CCT6B: variants seen among roughly 807,000 people sequenced by gnomAD.
CCT6B encodes probable T-complex protein 1 subunit zeta-2.
In CCT6B, 49 loss-of-function variants were observed where a neutral mutation model predicts 61.5. The observed-to-expected ratio is 0.80, with a 90% CI of 0.63 to 1.01. The LOEUF is 1.01. CCT6B is among the 50% of genes least tolerant of loss of function. The pLI, the probability that CCT6B is intolerant of heterozygous loss-of-function variation, is 0.00. For missense variants in CCT6B, 666 were observed against 634.7 expected (o/e 1.05, Z -0.53); for synonymous variants, 228 against 214.5 (o/e 1.06, Z -0.55).
intron 7 of CCT6B, 46 bp downstream of exon 7, chr17:34,942,438 C>T (rs2090174172): frequency 2.0e-6 from 3 of 1,504,446 alleles, no homozygotes; most frequent in Non-Finnish European, 2.7e-6. Flanking sequence ...TCAAGAAATG[C>T]TTAAGAACAT....
At chr17:34,928,286 T>TC (rs1296407736) in intron 13 of CCT6B, among the ~76,000 whole-genome samples, 169 bp from the exon 14 acceptor site, 16 of 151,958 alleles carry the variant, frequency 1.1e-4, no homozygotes, top group Non-Finnish European at 1.8e-4. Flanking sequence ...TTTTTTTTTT[T>TC]CCCAAGATGG....
chr17:34,948,319 G>T (rs1181069628), intron 5 of CCT6B, among the ~76,000 whole-genome samples: 1 of 152,108 alleles, frequency 6.6e-6, no homozygotes, highest in East Asian at 1.9e-4. Flanking sequence ...AAGAGTATCA[G>T]ATTTAATATT....
rs777387893 is a variant in CCT6B at position 34,931,015 on chromosome 17, T to C, written c.1384A>G (p.Thr462Ala). The C allele has an allele frequency of 1.9e-6, 3 of 1,601,730 alleles. No homozygotes were observed. The highest frequency in any genetic ancestry group is 1.7e-5 in the Admixed American group (1 of 59,886). The change falls in exon 12 of 14, where the codon ACA (threonine) becomes GCA (alanine). Residue 462 changes from threonine to alanine, a missense_variant. Transcript: ENST00000314144. ...TGCTCAGCCTGAACTTTTACTAATG[T>C]TTCCTGTGGGTCATAACCAGCATTC... ...AQNAGYDPQE[T>A]LVKVQAEHVE... is the part of the protein sequence containing the mutation.
Position 34,960,583 on chromosome 17 carries a change from A to G in CCT6B, c.137+674T>C, listed in dbSNP as rs549502889. 6.6e-5 allele frequency among the ~76,000 whole-genome samples: 10 copies of G among 152,320 alleles called. No homozygotes were observed. The South Asian group carries it at 1.7e-3, about 25-fold the overall frequency. On this transcript the variant is annotated intron_variant, in intron 1 of 13. Coordinates refer to ENST00000314144, the MANE Select transcript of CCT6B (RefSeq NM_006584.4). ...CTACTCTACCACATCCGTCTCTACCACATCTCCTTAAGAACAGAAACCGTT... is the reference window on the plus strand; with the variant it reads ...CTACTCTACCACATCCGTCTCTACCGCATCTCCTTAAGAACAGAAACCGTT...
At chr17:34,934,524 T>C (rs2090073545) in intron 10 of CCT6B, among the ~76,000 whole-genome samples, 1 of 152,180 alleles carries the variant, frequency 6.6e-6, no homozygotes, top group Non-Finnish European at 1.5e-5. Flanking sequence ...GCAAATCAGA[T>C]TTAGCTCATA....
rs111477527 is a variant in CCT6B at position 34,928,385 on chromosome 17, G to A, written c.1524-268C>T. Among the ~76,000 whole-genome samples, 269 of 151,612 alleles carry A rather than the reference G, an allele frequency of 1.8e-3. 1 individual carries two copies. The highest frequency in any genetic ancestry group is 0.013 in the South Asian group (64 of 4,808). The stretch of plus-strand genomic sequence containing the variant: ...CCTCCCAGGTTCAAGCAATTCTCCC[G>A]CCTCAGCCTCCCGAGTAGCTGGGAT... On this transcript the variant is annotated intron_variant, in intron 13 of 13. Coordinates refer to ENST00000314144, the MANE Select transcript of CCT6B (RefSeq NM_006584.4).
At position 34,939,329 on chromosome 17, in the gene CCT6B, C is replaced by T; in HGVS notation, c.1067G>A (p.Gly356Asp). 6.2e-7 allele frequency: 1 copy of T among 1,609,294 alleles called. No homozygotes were observed. Among genetic ancestry groups the T allele is most frequent in the Non-Finnish European group, 8.5e-7 (1 of 1,177,894 alleles). ...CTCAATAAAAGTGAACTTTTCTTCA[C>T]CCTAAAGGGTGGCACAAAAATATAT... ...HAGLVYEYTL[G>D]EEKFTFIEEC... Residue 356 changes from glycine (G) to aspartate (D), a missense_variant and splice_region_variant, in exon 10 of 14, where the codon GGT (glycine) becomes GAT (aspartate). Coordinates refer to ENST00000314144, the MANE Select transcript of CCT6B (RefSeq NM_006584.4).
chr17:34,950,886 G>A (rs770244606), intron 5 of CCT6B, among the ~76,000 whole-genome samples: 3 of 150,202 alleles, frequency 2.0e-5, no homozygotes, highest in South Asian at 2.1e-4. Flanking sequence ...CCAAGATCAC[G>A]CCATTGCACT....
intron 1 of CCT6B, 141 bp downstream of exon 1, chr17:34,961,116 A>G (rs951476794): frequency 2.8e-6 from 3 of 1,078,052 alleles, no homozygotes; most frequent in African/African-American, 3.2e-5. Flanking sequence ...CAGGCGAGAA[A>G]TACCCCCAGA....
At position 34,959,638 on chromosome 17, in the gene CCT6B, A is replaced by T; in HGVS notation, c.150T>A (p.Gly50=). 1 of 1,611,528 alleles carries T rather than the reference A, an allele frequency of 6.2e-7. No individual in the cohort carries two copies. The highest frequency in any genetic ancestry group is 8.5e-7 in the Non-Finnish European group (1 of 1,177,706). ...CTTTGGTGAGTTTGATGTCACCTGC[A>T]CCAGAAACAAGCCTGTTCAGAGAAG... ...PKGTMKMLVS[G]AGDIKLTKDG... Residue 50 remains glycine (G), a synonymous_variant, in exon 2 of 14, where the codon GGT becomes GGA. Transcript: ENST00000314144.
intron 8 of CCT6B, among the ~76,000 whole-genome samples, 169 bp downstream of exon 8, chr17:34,940,370 T>C (rs1192373693): frequency 2.6e-5 from 4 of 152,254 alleles, no homozygotes; most frequent in Non-Finnish European, 2.9e-5. Context: ...GTTAACAACC[T>C]TGCTTTTTGA....
intron 10 of CCT6B, among the ~76,000 whole-genome samples, chr17:34,933,980 T>C (rs1385105867): frequency 6.6e-6 from 1 of 151,594 alleles, no homozygotes; most frequent in Admixed American, 6.6e-5. Context: ...AACACAACAA[T>C]TAGCCAGGTT....
intron 10 of CCT6B, among the ~76,000 whole-genome samples, chr17:34,933,842 A>G (rs994998856): frequency 1.3e-5 from 2 of 152,140 alleles, no homozygotes; most frequent in African/African-American, 4.8e-5. Flanking sequence ...AAGAAACTAG[A>G]AAAGGACAGG....
chr17:34,941,116 A>G (rs1316202906), intron 7 of CCT6B, among the ~76,000 whole-genome samples: 1 of 152,154 alleles, frequency 6.6e-6, no homozygotes, highest in Admixed American at 6.5e-5. Context: ...CTTCTTTGAT[A>G]CTATACCAAA....
intron 7 of CCT6B, 121 bp from the exon 8 acceptor site, chr17:34,940,742 A>G (rs1237177025): frequency 4.6e-6 from 2 of 437,276 alleles, no homozygotes; most frequent in Non-Finnish European, 8.2e-6. Flanking sequence ...GCTTTTGTTT[A>G]TGTAAGCTCT....
intron 5 of CCT6B, among the ~76,000 whole-genome samples, chr17:34,945,922 T>A (rs896930968): frequency 6.6e-6 from 1 of 152,224 alleles, no homozygotes; most frequent in Non-Finnish European, 1.5e-5. Context: ...TATCTTAAAG[T>A]CATTTGACAA....
intron 3 of CCT6B, among the ~76,000 whole-genome samples, chr17:34,956,620 G>A (rs1377162402): frequency 1.3e-5 from 2 of 152,152 alleles, no homozygotes; most frequent in African/African-American, 2.4e-5. Flanking sequence ...AGCTCAAGGA[G>A]TGGATCCTGA....
At chr17:34,946,054 C>T (rs1420681601) in intron 5 of CCT6B, among the ~76,000 whole-genome samples, 1 of 152,140 alleles carries the variant, frequency 6.6e-6, no homozygotes, top group East Asian at 1.9e-4. Flanking sequence ...AAGTTGGAAC[C>T]ACAAAGGGCT....
chr17:34,944,868 G>A (rs574231709), intron 5 of CCT6B, among the ~76,000 whole-genome samples: 48 of 152,382 alleles, frequency 3.1e-4, no homozygotes, highest in African/African-American at 1.1e-3. Flanking sequence ...AGAGCTTGCA[G>A]TGAGCCGCGA....
Sources: gnomAD v4.1 joint callset for allele counts (sites outside exome capture counted in the v4.1 genomes callset) on GRCh38, gnomAD v4.1.1 for gene constraint, MANE v1.5 for transcripts, NCBI Gene and HGNC (gene_info 2026-07-23, HGNC 2026-07-21) for gene names.